Variants in PRP4K observed in about 807,000 individuals in gnomAD.
The protein encoded by PRP4K is serine/threonine-protein kinase PRP4 homolog.
chr6:4,034,275 C>T, the PRP4K span, among the ~76,000 whole-genome samples: 1 of 152,062 alleles, frequency 6.6e-6, no homozygotes, highest in Non-Finnish European at 1.5e-5. Context: ...CTGACAGCAA[C>T]TGGTATTTCA....
the PRP4K span, among the ~76,000 whole-genome samples, chr6:4,025,972 G>A: frequency 6.6e-6 from 1 of 152,172 alleles, no homozygotes; most frequent in African/African-American, 2.4e-5. Context: ...ATAATAGATA[G>A]TGTAAATCAG....
chr6:4,051,365 G>T, the PRP4K span, among the ~76,000 whole-genome samples: 4,865 of 152,150 alleles, frequency 0.032, 260 homozygotes, highest in African/African-American at 0.11. Flanking sequence ...CCAGGCTGGC[G>T]TGCGGTGGTG....
chr6:4,035,284 A>ATTTTTTTTTTTTTTTTTTTTT, the PRP4K span, among the ~76,000 whole-genome samples: 15 of 58,798 alleles, frequency 2.6e-4, no homozygotes, highest in East Asian at 6.0e-4. Context: ...CGCCCGGCTA[A>ATTTTTTTTTTTTTTTTTTTTT]TTTTTTTTTT....
the PRP4K span, among the ~76,000 whole-genome samples, chr6:4,031,132 T>G: frequency 1.3e-5 from 2 of 152,226 alleles, no homozygotes; most frequent in East Asian, 1.9e-4. Flanking sequence ...ATGTTAATAG[T>G]TAGTAGGTCT....
the PRP4K span, chr6:4,060,815 G>T: frequency 1.0e-5 from 6 of 602,992 alleles, no homozygotes; most frequent in South Asian, 1.3e-4. The surrounding 1 kb of genome is among the most constrained non-coding windows in gnomAD (Gnocchi z 4.7). Flanking sequence ...AAATTTCACT[G>T]TAGACTGTTT....
At chr6:4,021,533 G>C in the PRP4K span, 1 of 1,550,788 alleles carries the variant, frequency 6.4e-7, no homozygotes, top group African/African-American at 1.4e-5. Flanking sequence ...GCTGCACGGG[G>C]TGGCGGGAAA....
At chr6:4,021,311 C>G in the PRP4K span, 3 of 1,407,960 alleles carry the variant, frequency 2.1e-6, no homozygotes, top group East Asian at 7.5e-5. Flanking sequence ...GAACCCAGCT[C>G]TTCCCTACAC....
the PRP4K span, among the ~76,000 whole-genome samples, chr6:4,052,552 T>C: frequency 6.6e-6 from 1 of 152,370 alleles, no homozygotes; most frequent in Middle Eastern, 3.4e-3. Flanking sequence ...CAATTTGATA[T>C]GCTCTCCTTT....
the PRP4K span, among the ~76,000 whole-genome samples, chr6:4,038,131 T>G: frequency 2.4e-4 from 36 of 152,170 alleles, no homozygotes; most frequent in Admixed American, 2.4e-3. Flanking sequence ...TGCCAATCTT[T>G]TAACATTTTT....
the PRP4K span, among the ~76,000 whole-genome samples, chr6:4,043,480 C>A: frequency 6.6e-6 from 1 of 151,864 alleles, no homozygotes; most frequent in Non-Finnish European, 1.5e-5. Flanking sequence ...TGCAGCAGAC[C>A]CCATAATCAA....
chr6:4,022,463 T>TG, the PRP4K span, among the ~76,000 whole-genome samples: 4 of 107,420 alleles, frequency 3.7e-5, no homozygotes, highest in Non-Finnish European at 7.4e-5. Flanking sequence ...GTTTTTTTTT[T>TG]TTGTTTTGTT....
At chr6:4,032,299 A>C in the PRP4K span, 18 of 1,613,372 alleles carry the variant, frequency 1.1e-5, no homozygotes, top group Non-Finnish European at 1.5e-5. Context: ...CCTACTGATG[A>C]TAAGGTTAAA....
the PRP4K span, among the ~76,000 whole-genome samples, chr6:4,028,946 T>G: frequency 6.6e-6 from 1 of 151,304 alleles, no homozygotes; most frequent in Non-Finnish European, 1.5e-5. Flanking sequence ...TTTAATTCTC[T>G]CTCAACTACC....
the PRP4K span, among the ~76,000 whole-genome samples, chr6:4,043,430 A>G: frequency 1.3e-5 from 2 of 152,126 alleles, no homozygotes; most frequent in African/African-American, 4.8e-5. Context: ...AGTTTTAGAA[A>G]GGTGATATGG....
chr6:4,031,779 G>T, the PRP4K span: 1 of 1,610,086 alleles, frequency 6.2e-7, no homozygotes, highest in South Asian at 1.1e-5. Context: ...TGATGCTTCT[G>T]ATAAAGAGGG....
the PRP4K span, among the ~76,000 whole-genome samples, chr6:4,043,290 G>A: frequency 6.6e-6 from 1 of 152,164 alleles, no homozygotes; most frequent in African/African-American, 2.4e-5. Flanking sequence ...CTGGGACACT[G>A]GTAAAATTGT....
At chr6:4,023,587 G>A in the PRP4K span, among the ~76,000 whole-genome samples, 1 of 152,114 alleles carries the variant, frequency 6.6e-6, no homozygotes, top group Non-Finnish European at 1.5e-5. Flanking sequence ...TTTTTGATGT[G>A]ACATGTCTAA....
chr6:4,041,749 C>CA, the PRP4K span, among the ~76,000 whole-genome samples: 2 of 152,132 alleles, frequency 1.3e-5, no homozygotes, highest in East Asian at 3.9e-4. Flanking sequence ...CCCCCACACA[C>CA]ACACACAAAA....
At chr6:4,021,314 C>A in the PRP4K span, 4 of 1,422,786 alleles carry the variant, frequency 2.8e-6, no homozygotes, top group Non-Finnish European at 3.9e-6. Flanking sequence ...CCCAGCTCTT[C>A]CCTACACGGT....
Sources: gnomAD v4.1 joint callset for allele counts (sites outside exome capture counted in the v4.1 genomes callset) on GRCh38, gnomAD v4.1.1 for gene constraint, Gnocchi (gnomAD v3.1) non-coding constraint, MANE v1.5 for transcripts, NCBI Gene and HGNC (gene_info 2026-07-23, HGNC 2026-07-21) for gene names.